The following SGCZ variants were observed in gnomAD, a reference collection of about 807,000 sequenced individuals.
SGCZ encodes the protein sarcoglycan zeta.
SGCZ carries 40 observed loss-of-function variants against 41.3 expected under a neutral mutation model. The observed-to-expected ratio is 0.97, with a 90% confidence interval of 0.75 to 1.26. The LOEUF is 1.26. Ranked by LOEUF, SGCZ falls within the 50% of genes most tolerant of loss-of-function variation. SGCZ has a pLI of 0.00. For synonymous variants in SGCZ, 206 were observed against 137.5 expected (o/e 1.50, Z -3.49); for missense variants, 552 against 369.8 (o/e 1.49, Z -4.04).
At chr8:14,841,249 C>A (rs1251884489) in intron 1 of SGCZ, among the ~76,000 whole-genome samples, 1 of 152,090 alleles carries the variant, frequency 6.6e-6, no homozygotes, top group Non-Finnish European at 1.5e-5. Flanking sequence ...AAAGAGCAAT[C>A]CACCTGGTCC....
At chr8:14,472,843 C>CA (rs1304924705) in intron 2 of SGCZ, among the ~76,000 whole-genome samples, 3 of 151,550 alleles carry the variant, frequency 2.0e-5, no homozygotes, top group Admixed American at 1.3e-4. Context: ...ATTTCAAAAA[C>CA]AAAAAAAGGT....
At chr8:14,323,735 T>C (rs1392379128) in intron 3 of SGCZ, among the ~76,000 whole-genome samples, 2 of 152,156 alleles carry the variant, frequency 1.3e-5, no homozygotes, top group African/African-American at 4.8e-5. Flanking sequence ...ATACATAGTA[T>C]GTTGACTTAA....
intron 2 of SGCZ, among the ~76,000 whole-genome samples, chr8:14,501,016 T>A (rs997390832): frequency 2.1e-4 from 32 of 152,126 alleles, no homozygotes; most frequent in African/African-American, 7.2e-4. Context: ...TCTTAACAGA[T>A]CTTGAGGTCA....
intron 1 of SGCZ, chr8:14,879,027 T>G (rs1040889833): frequency 6.6e-6 from 1 of 152,142 alleles, no homozygotes; most frequent in African/African-American, 2.4e-5. Context: ...TCAAAGTCCT[T>G]TAAAACCTAA....
At chr8:14,625,227 A>T (rs1376911504) in intron 1 of SGCZ, among the ~76,000 whole-genome samples, 1 of 152,172 alleles carries the variant, frequency 6.6e-6, no homozygotes, top group Non-Finnish European at 1.5e-5. Flanking sequence ...TTTTTAACAT[A>T]CTACAATAAA....
intron 1 of SGCZ, among the ~76,000 whole-genome samples, chr8:14,813,208 A>G (rs1006710460): frequency 6.6e-6 from 1 of 152,240 alleles, no homozygotes; most frequent in Admixed American, 6.5e-5. Flanking sequence ...CTAATATGCT[A>G]GCGATTTACC....
chr8:14,837,527 T>A (rs938117863), intron 1 of SGCZ, among the ~76,000 whole-genome samples: 4 of 152,152 alleles, frequency 2.6e-5, no homozygotes, highest in Admixed American at 1.3e-4. Flanking sequence ...TGTGTCCATG[T>A]GGCAAGTTTC....
At chr8:15,151,705 A>G (rs1799184531) in intron 1 of SGCZ, among the ~76,000 whole-genome samples, 1 of 152,254 alleles carries the variant, frequency 6.6e-6, no homozygotes, top group African/African-American at 2.4e-5. Context: ...AGTTAATAAT[A>G]TTTCAGATTA....
chr8:15,223,393 T>C (rs1014039974), intron 1 of SGCZ, among the ~76,000 whole-genome samples: 5 of 152,164 alleles, frequency 3.3e-5, no homozygotes, highest in Non-Finnish European at 7.3e-5. Context: ...TTCTCCCACC[T>C]CACACAAAGA....
chr8:14,942,515 C>A (rs1800310274), intron 1 of SGCZ, among the ~76,000 whole-genome samples: 3 of 152,010 alleles, frequency 2.0e-5, no homozygotes, highest in African/African-American at 7.2e-5. Context: ...GATTCCTTGG[C>A]ATCTAAATAA....
chr8:14,141,642 C>A (rs1585172751), intron 5 of SGCZ, among the ~76,000 whole-genome samples: 1 of 152,098 alleles, frequency 6.6e-6, no homozygotes, highest in Non-Finnish European at 1.5e-5. Flanking sequence ...GTTAGAATGG[C>A]GATCATTAAA....
At chr8:14,363,067 T>C (rs1238167490) in intron 2 of SGCZ, among the ~76,000 whole-genome samples, 1 of 152,166 alleles carries the variant, frequency 6.6e-6, no homozygotes, top group South Asian at 2.1e-4. Context: ...ATGGTAATAG[T>C]CTGGAGGAAA....
intron 1 of SGCZ, among the ~76,000 whole-genome samples, chr8:15,194,931 C>A (rs534233900): frequency 6.6e-6 from 1 of 152,026 alleles, no homozygotes; most frequent in East Asian, 1.9e-4. Context: ...TAACACATTG[C>A]GAAAGTATCT....
intron 4 of SGCZ, among the ~76,000 whole-genome samples, chr8:14,196,921 G>A (rs1011006211): frequency 1.3e-5 from 2 of 152,024 alleles, no homozygotes; most frequent in Non-Finnish European, 2.9e-5. Flanking sequence ...TTTATATATA[G>A]AGAAAATAAA....
intron 2 of SGCZ, among the ~76,000 whole-genome samples, chr8:14,380,097 A>G (rs757643407): frequency 6.6e-6 from 1 of 152,064 alleles, no homozygotes; most frequent in Non-Finnish European, 1.5e-5. Flanking sequence ...GGGCATTTAT[A>G]TTTTATCTTC....
intron 7 of SGCZ, among the ~76,000 whole-genome samples, chr8:14,099,827 A>G (rs1012601401): frequency 3.3e-5 from 5 of 152,324 alleles, no homozygotes; most frequent in Middle Eastern, 3.4e-3. Context: ...TCTCCATACA[A>G]TTACAATTCA....
rs1365787341 is a variant in SGCZ, at chr8:14,148,904, T to A, written c.547+15676A>T. 3.3e-5 allele frequency among the ~76,000 whole-genome samples: 5 copies of A among 152,094 alleles called. 1 individual carries two copies. Among genetic ancestry groups the A allele is most frequent in the Non-Finnish European group, 7.4e-5 (5 of 67,998 alleles). ...AACATGCACAAACCAATCGATGTGG[T>A]ACATCAAGTCAACAGAATGAAGGAT... is the stretch of plus-strand genomic sequence containing the variant. On this transcript the variant is annotated intron_variant, in intron 5 of 7. Transcript: ENST00000382080.
At chr8:14,120,257 G>C (rs1405195437) in intron 5 of SGCZ, among the ~76,000 whole-genome samples, 2 of 152,086 alleles carry the variant, frequency 1.3e-5, no homozygotes, top group Non-Finnish European at 2.9e-5. Context: ...GACTGATGGA[G>C]AACAATATAG....
intron 4 of SGCZ, among the ~76,000 whole-genome samples, chr8:14,172,879 A>C (rs1027406071): frequency 1.3e-5 from 2 of 152,110 alleles, no homozygotes; most frequent in African/African-American, 2.4e-5. Context: ...TGCATTGTAC[A>C]TGGACAGGAT....
Sources: gnomAD v4.1 joint callset for allele counts (sites outside exome capture counted in the v4.1 genomes callset) on GRCh38, gnomAD v4.1.1 for gene constraint, MANE v1.5 for transcripts, NCBI Gene and HGNC (gene_info 2026-07-23, HGNC 2026-07-21) for gene names.